The following ENTREP2 variants were observed in gnomAD, a reference collection of about 807,000 sequenced individuals.
ENTREP2 encodes protein ENTREP2.
chr15:29,540,773 TAAACAGTGTGATCTGCACCAACC>T, the ENTREP2 span, among the ~76,000 whole-genome samples: 4 of 152,242 alleles, frequency 2.6e-5, no homozygotes, highest in Non-Finnish European at 4.4e-5. Flanking sequence ...GGATCTTCCC[TAAACAGTGTGATCTGCACCAACC>T]AGGGATCACA....
chr15:29,333,958 G>A, the ENTREP2 span, among the ~76,000 whole-genome samples: 10 of 151,904 alleles, frequency 6.6e-5, no homozygotes, highest in East Asian at 1.9e-4. Flanking sequence ...GCCAAGGAAC[G>A]TCACGTCACG....
At chr15:29,351,828 A>G in the ENTREP2 span, among the ~76,000 whole-genome samples, 1 of 150,990 alleles carries the variant, frequency 6.6e-6, no homozygotes, top group East Asian at 2.0e-4. Context: ...TTTTTTTGGT[A>G]GAGATGGGGT....
chr15:29,554,081 G>A, the ENTREP2 span, among the ~76,000 whole-genome samples: 5 of 152,132 alleles, frequency 3.3e-5, no homozygotes, highest in Admixed American at 2.0e-4. Context: ...TTGGGAGACC[G>A]AGGCGGGCAG....
chr15:29,171,959 G>A, the ENTREP2 span, among the ~76,000 whole-genome samples: 1 of 152,170 alleles, frequency 6.6e-6, no homozygotes, highest in African/African-American at 2.4e-5. Flanking sequence ...CTCTTGCAGT[G>A]CTGTGGGGCA....
At chr15:29,615,182 G>A in the ENTREP2 span, among the ~76,000 whole-genome samples, 4 of 149,202 alleles carry the variant, frequency 2.7e-5, no homozygotes, top group Non-Finnish European at 5.9e-5. Context: ...TTGAGACGGA[G>A]TCTCCCTCCA....
the ENTREP2 span, among the ~76,000 whole-genome samples, chr15:29,649,078 AC>A: frequency 6.6e-6 from 1 of 151,950 alleles, no homozygotes; most frequent in South Asian, 2.1e-4. Context: ...ACACACACAC[AC>A]ACACACACAC....
chr15:29,561,644 C>T, the ENTREP2 span, among the ~76,000 whole-genome samples: 8 of 151,994 alleles, frequency 5.3e-5, no homozygotes, highest in African/African-American at 1.4e-4. Context: ...GCCGAGACTA[C>T]GCCACTGCGC....
At chr15:29,658,963 A>T in the ENTREP2 span, among the ~76,000 whole-genome samples, 1 of 152,230 alleles carries the variant, frequency 6.6e-6, no homozygotes, top group Non-Finnish European at 1.5e-5. Flanking sequence ...CCAACTAAAG[A>T]GCAATGAGAC....
At chr15:29,269,368 T>C in the ENTREP2 span, 10 of 1,614,060 alleles carry the variant, frequency 6.2e-6, no homozygotes, top group Non-Finnish European at 8.5e-6. Context: ...GATGACGTGC[T>C]TCAGTATGTC....
chr15:29,186,673 T>A, the ENTREP2 span, among the ~76,000 whole-genome samples: 1 of 152,152 alleles, frequency 6.6e-6, no homozygotes, highest in African/African-American at 2.4e-5. Flanking sequence ...ATCTGACCCA[T>A]CAAACACCTA....
At chr15:29,606,394 C>A in the ENTREP2 span, among the ~76,000 whole-genome samples, 2 of 151,872 alleles carry the variant, frequency 1.3e-5, no homozygotes, top group Non-Finnish European at 2.9e-5. Context: ...GCCACCACAC[C>A]TGGCTAATTT....
chr15:29,480,957 G>A, the ENTREP2 span, among the ~76,000 whole-genome samples: 1 of 152,182 alleles, frequency 6.6e-6, no homozygotes, highest in South Asian at 2.1e-4. Flanking sequence ...ATCCTGCAGA[G>A]GAACCCAGGG....
At chr15:29,328,777 G>A in the ENTREP2 span, among the ~76,000 whole-genome samples, 27 of 152,118 alleles carry the variant, frequency 1.8e-4, no homozygotes, top group Admixed American at 1.6e-3. Context: ...ACGCTGTAAA[G>A]GATTGGCATT....
the ENTREP2 span, among the ~76,000 whole-genome samples, chr15:29,490,809 C>T: frequency 5.9e-5 from 9 of 152,310 alleles, no homozygotes; most frequent in Admixed American, 3.9e-4. Flanking sequence ...AGCTGGCTTC[C>T]GCTAGTGGAT....
At chr15:29,342,441 T>C in the ENTREP2 span, among the ~76,000 whole-genome samples, 3 of 152,178 alleles carry the variant, frequency 2.0e-5, no homozygotes, top group African/African-American at 4.8e-5. Flanking sequence ...TCACATGCCA[T>C]AGTGCGACGA....
the ENTREP2 span, among the ~76,000 whole-genome samples, chr15:29,257,036 TTTTTTTA>T: frequency 6.8e-6 from 1 of 147,170 alleles, no homozygotes; most frequent in South Asian, 2.2e-4. Flanking sequence ...TCACAGTTTA[TTTTTTTA>T]TTATTTATTT....
the ENTREP2 span, among the ~76,000 whole-genome samples, chr15:29,499,805 T>C: frequency 1.3e-5 from 2 of 152,114 alleles, no homozygotes; most frequent in Non-Finnish European, 2.9e-5. Context: ...AAGGCAGAGA[T>C]TGGCAGAATA....
chr15:29,206,334 C>A, the ENTREP2 span, among the ~76,000 whole-genome samples: 1 of 152,150 alleles, frequency 6.6e-6, no homozygotes, highest in African/African-American at 2.4e-5. Context: ...CCAAGGACCC[C>A]ACCTCCTAAT....
At chr15:29,220,826 C>A in the ENTREP2 span, among the ~76,000 whole-genome samples, 1 of 151,406 alleles carries the variant, frequency 6.6e-6, no homozygotes, top group African/African-American at 2.4e-5. Context: ...AAAAAAAAAA[C>A]TACCTGCTTT....
Sources: allele counts gnomAD v4.1 joint callset (sites outside exome capture counted in the v4.1 genomes callset), GRCh38; gene constraint gnomAD v4.1.1; transcripts MANE v1.5; gene names NCBI Gene and HGNC (gene_info 2026-07-23, HGNC 2026-07-21).